CACNA1G: variants seen among roughly 807,000 people sequenced by gnomAD.
The protein encoded by CACNA1G is calcium voltage-gated channel subunit alpha1 G, also known as voltage-dependent T-type calcium channel subunit alpha-1G.
In CACNA1G, 67 loss-of-function variants were observed where a neutral mutation model predicts 219.4. That is an observed-to-expected ratio of 0.31 (90% CI 0.25 to 0.37). The LOEUF (loss-of-function observed/expected upper bound fraction) is 0.37. Among genes scored for constraint, CACNA1G ranks in the 10% least tolerant of loss-of-function variants. CACNA1G has a pLI of 1.00. For synonymous variants in CACNA1G, 1,296 were observed against 1,345.3 expected (o/e 0.96, Z 0.80); for missense variants, 2,380 against 3,231.4 (o/e 0.74, Z 6.39).
chr17:50,622,714 A>T (rs2052468640), intron 35 of CACNA1G, among the ~76,000 whole-genome samples: 1 of 152,150 alleles, frequency 6.6e-6, no homozygotes, highest in African/African-American at 2.4e-5. Flanking sequence ...ACCTCTTGAG[A>T]ACAAACTAGG....
intron 37 of CACNA1G, among the ~76,000 whole-genome samples, chr17:50,625,561 G>T (rs568329558): frequency 2.2e-4 from 33 of 152,306 alleles, no homozygotes; most frequent in African/African-American, 7.0e-4. Context: ...GGTTTTACTT[G>T]GGGACAGAGA....
intron 9 of CACNA1G, among the ~76,000 whole-genome samples, chr17:50,585,187 C>G (rs1383809322): frequency 1.3e-5 from 2 of 152,154 alleles, no homozygotes. Flanking sequence ...GATCTGCCCC[C>G]TGGGCTGGAA....
intron 1 of CACNA1G, among the ~76,000 whole-genome samples, chr17:50,568,076 T>C (rs1341081695): frequency 1.3e-5 from 2 of 152,134 alleles, no homozygotes; most frequent in Non-Finnish European, 1.5e-5. Context: ...TAGTGGTCAT[T>C]TGAGGGTGTT....
chr17:50,580,085 C>T (rs2041611353), intron 9 of CACNA1G, among the ~76,000 whole-genome samples: 1 of 152,164 alleles, frequency 6.6e-6, no homozygotes, highest in African/African-American at 2.4e-5. Flanking sequence ...CACAGGGCCC[C>T]CTCCAAGCAG....
At chr17:50,624,162 C>A in intron 36 of CACNA1G, 87 bp downstream of exon 36, 1 of 1,493,156 alleles carries the variant, frequency 6.7e-7, no homozygotes, top group Non-Finnish European at 9.2e-7. Flanking sequence ...GGATGGGGAA[C>A]TGAGGCAGCC....
chr17:50,602,451 A>G (rs1445672771), intron 19 of CACNA1G, among the ~76,000 whole-genome samples: 1 of 152,232 alleles, frequency 6.6e-6, no homozygotes, highest in African/African-American at 2.4e-5. Context: ...GATGGCAGGC[A>G]AGGGTCAGAG....
chr17:50,590,681 G>A (rs2044105137), intron 10 of CACNA1G, 59 bp downstream of exon 10: 1 of 1,537,610 alleles, frequency 6.5e-7, no homozygotes, highest in Non-Finnish European at 8.9e-7. Context: ...GGTGGCTTGG[G>A]GCCAGGGGCC....
chr17:50,573,483 T>C, intron 7 of CACNA1G: 1 of 190,978 alleles, frequency 5.2e-6, no homozygotes, highest in Non-Finnish European at 1.1e-5. Flanking sequence ...TTTTAATAGC[T>C]TTATTGAGAC....
chr17:50,595,937 G>A (rs2045449434), intron 14 of CACNA1G, among the ~76,000 whole-genome samples: 2 of 152,152 alleles, frequency 1.3e-5, no homozygotes, highest in South Asian at 2.1e-4. Flanking sequence ...GTAATTACTG[G>A]GGAACCTACT....
intron 35 of CACNA1G, 89 bp from the exon 36 acceptor site, chr17:50,623,818 C>G: frequency 7.3e-7 from 1 of 1,372,286 alleles, no homozygotes; most frequent in South Asian, 1.4e-5. Context: ...GGGCGGGGGG[C>G]GCTGCTGCTT....
Position 50,575,923 on chromosome 17 carries a change from G to A in CACNA1G, c.1521G>A (p.Leu507=). 1 of 1,557,936 alleles carries A rather than the reference G, an allele frequency of 6.4e-7. No homozygotes were observed. The highest frequency in any genetic ancestry group is 2.4e-5 in the East Asian group (1 of 41,680). Residue 507 remains leucine (L), a synonymous_variant, in exon 8 of 38, where the codon CTG becomes CTA. Transcript: ENST00000359106. ...ACCACCATCACCACCACTACCACCT[G>A]GGCAATGGGACGCTCAGGGCCCCCC... ...HHHHHHHHYH[L]GNGTLRAPRA... is the part of the protein sequence containing the mutation.
In CACNA1G at chr17:50,624,444, C is replaced by A; in HGVS notation, c.6314C>A (p.Pro2105His). 6.3e-7 allele frequency: 1 copy of A among 1,599,806 alleles called. No individual in the cohort carries two copies. The change falls in exon 37 of 38, where the codon CCC (proline) becomes CAC (histidine). Residue 2105 changes from proline to histidine, a missense_variant. Around this residue, in one of 17 missense-constraint regions of CACNA1G, gnomAD observed 672 missense variants for 670.5 expected, o/e 1.00. Transcript: ENST00000359106. Reference protein sequence around the residue: ...LPKDAPHLLQPHSAPTWGTIP... With the variant: ...LPKDAPHLLQHHSAPTWGTIP... ...AAAGATGCACCTCATCTGCTCCAGCCCCACAGCGCCCCAACCTGGGGCACC... is the reference window on the plus strand; with the variant it reads ...AAAGATGCACCTCATCTGCTCCAGCACCACAGCGCCCCAACCTGGGGCACC...
chr17:50,569,941 G>C, intron 4 of CACNA1G, 138 bp downstream of exon 4: 1 of 642,554 alleles, frequency 1.6e-6, no homozygotes, highest in East Asian at 2.8e-5. Context: ...GGGGAGCTGG[G>C]ATTGCTGGAA....
rs745961457 is a variant in CACNA1G, at chr17:50,590,473, C to T, written c.2304C>T (p.Pro768=). ...TCACATCCCACCCTGCCCTGCAGCC[C>T]GAGGAGCTTACCAACGCCCTAGAAA... ...LSMGIEYHEQ[P]EELTNALEIS... is the part of the protein sequence containing the mutation. Residue 768 remains proline, a splice_region_variant and synonymous_variant, in exon 10 of 38, where the codon CCC becomes CCT. Transcript: ENST00000359106. 9.9e-6 allele frequency: 16 copies of T among 1,613,660 alleles called. No homozygotes were observed. The highest frequency in any genetic ancestry group is 4.0e-5 in the African/African-American group (3 of 74,910).
chr17:50,605,874 C>T, intron 22 of CACNA1G, 24 bp from the exon 23 acceptor site: 10 of 1,612,694 alleles, frequency 6.2e-6, no homozygotes, highest in Non-Finnish European at 8.5e-6. Flanking sequence ...TCACTTTTCT[C>T]TGTCTCTGGG....
intron 8 of CACNA1G, among the ~76,000 whole-genome samples, chr17:50,577,561 G>A (rs2040970584): frequency 6.6e-6 from 1 of 150,914 alleles, no homozygotes; most frequent in Non-Finnish European, 1.5e-5. Flanking sequence ...TGTGCTTGAT[G>A]TGTGTAGGTG....
chr17:50,626,230 G>A lies in CACNA1G; in HGVS notation c.6613G>A (p.Gly2205Ser). Residue 2205 changes from glycine (G) to serine (S), a missense_variant, in exon 38 of 38, where the codon GGC (glycine) becomes AGC (serine). Physicochemically the swap from Gly to Ser is moderately conservative, Grantham distance 56. Transcript: ENST00000359106. The surrounding 1 kb of genome is among the most constrained non-coding windows in gnomAD (Gnocchi z 4.3). The stretch of plus-strand genomic sequence containing the variant: ...TTGCCCAGGCCCAGAACCCAACTGG[G>A]GCAAGGGCCCTCCAGAGACCAGAAG... ...APCPGPEPNW[G>S]KGPPETRSSL... The A allele has an allele frequency of 6.2e-7, 1 of 1,613,800 alleles. No homozygotes were observed. Among genetic ancestry groups the A allele is most frequent in the Non-Finnish European group, 8.5e-7 (1 of 1,179,874 alleles).
chr17:50,568,256 GA>G (rs1251953553), intron 1 of CACNA1G, among the ~76,000 whole-genome samples: 1 of 151,988 alleles, frequency 6.6e-6, no homozygotes, highest in Non-Finnish European at 1.5e-5. Flanking sequence ...CATAGATCAG[GA>G]GCTTGGAAAC....
chr17:50,601,910 A>G (rs903503336), intron 19 of CACNA1G, among the ~76,000 whole-genome samples: 14 of 152,018 alleles, frequency 9.2e-5, no homozygotes. Context: ...CTCCCACACC[A>G]TTGTTTAGAT....
Sources: allele counts gnomAD v4.1 joint callset (sites outside exome capture counted in the v4.1 genomes callset), GRCh38; gene constraint gnomAD v4.1.1; regional missense constraint gnomAD v4.1.1; non-coding constraint Gnocchi (gnomAD v3.1); transcripts MANE v1.5; gene names NCBI Gene and HGNC (gene_info 2026-07-23, HGNC 2026-07-21).